Variants in CDYL observed in about 807,000 individuals in gnomAD.
The protein encoded by CDYL is chromodomain Y-like protein.
In CDYL, 8 loss-of-function variants were observed where a neutral mutation model predicts 47.3. The observed-to-expected ratio is 0.17, with a 90% CI of 0.10 to 0.31. CDYL has a LOEUF of 0.31. Ranked by LOEUF, CDYL falls within the 10% of genes least tolerant of loss-of-function variation. The pLI is 1.00. For missense variants in CDYL, 471 were observed against 701.4 expected, an observed-to-expected ratio of 0.67 and a Z score of 3.71; for synonymous variants, 266 against 265.0, an observed-to-expected ratio of 1.00 and a Z score of -0.04.
chr6:4,724,183 G>C (rs951371402), intron 2 of CDYL, among the ~76,000 whole-genome samples: 1 of 152,032 alleles, frequency 6.6e-6, no homozygotes, highest in Non-Finnish European at 1.5e-5. Context: ...TGGGACCACA[G>C]GCATGTGCCA....
At chr6:4,900,822 T>G (rs1483865465) in intron 2 of CDYL, among the ~76,000 whole-genome samples, 13 of 89,088 alleles carry the variant, frequency 1.5e-4, no homozygotes, top group African/African-American at 5.3e-4. Context: ...TATATATATA[T>G]ATATATATCT....
intron 3 of CDYL, among the ~76,000 whole-genome samples, chr6:4,756,580 A>ATGTGTGTGTGTG (rs4053260): frequency 0.015 from 2,140 of 142,866 alleles, 59 homozygotes; most frequent in African/African-American, 0.051. Flanking sequence ...TATCGTGTGT[A>ATGTGTGTGTGTG]TGTGTGTGTG....
At position 4,725,637 on chromosome 6, in the gene CDYL, G is replaced by C. The variant is rs1757498186; in HGVS notation, c.104-9125G>C. 2.6e-5 allele frequency among the ~76,000 whole-genome samples: 4 copies of C among 152,216 alleles called. No individual in the cohort carries two copies. In the South Asian group the frequency reaches 6.2e-4, roughly 24 times the overall value. On this transcript the variant is annotated intron_variant, in intron 2 of 8. Transcript: ENST00000328908. ...CCGAGCCCACGCCCACCCGGAACTCGCACTGGCCTGCAAGCACCGCGCACA... is the reference window on the plus strand; with the variant it reads ...CCGAGCCCACGCCCACCCGGAACTCCCACTGGCCTGCAAGCACCGCGCACA...
chr6:4,786,626 T>C (rs1394318032), intron 1 of CDYL, among the ~76,000 whole-genome samples: 2 of 152,208 alleles, frequency 1.3e-5, no homozygotes, highest in African/African-American at 4.8e-5. Context: ...GGTGCACTAG[T>C]AGTTTTTATC....
At chr6:4,714,656 C>A (rs1757220427) in intron 1 of CDYL, 2 of 152,230 alleles carry the variant, frequency 1.3e-5, no homozygotes, top group African/African-American at 4.8e-5. Context: ...AAGTCAGCTT[C>A]CAGAAGAGCA....
chr6:4,937,357 A>G (rs112520770), intron 3 of CDYL, among the ~76,000 whole-genome samples: 3 of 152,030 alleles, frequency 2.0e-5, no homozygotes, highest in Admixed American at 1.3e-4. Context: ...TGAGCCAGGC[A>G]TGATAGCACA....
chr6:4,768,751 G>A (rs1758293394), intron 3 of CDYL, among the ~76,000 whole-genome samples: 1 of 152,294 alleles, frequency 6.6e-6, no homozygotes, highest in South Asian at 2.1e-4. Flanking sequence ...GAAAGGGACA[G>A]GGGCTGGGAG....
intron 1 of CDYL, among the ~76,000 whole-genome samples, chr6:4,852,806 C>T (rs78517116): frequency 0.018 from 2,688 of 146,712 alleles, 99 homozygotes; most frequent in African/African-American, 0.065. Context: ...TTTCTTTGTT[C>T]TTTTTTTTTT....
At chr6:4,896,719 T>C (rs928079800) in intron 2 of CDYL, among the ~76,000 whole-genome samples, 1 of 152,228 alleles carries the variant, frequency 6.6e-6, no homozygotes, top group African/African-American at 2.4e-5. Context: ...GTTTTTACTT[T>C]CTAGACTAAT....
At chr6:4,861,865 T>A (rs556361520) in intron 1 of CDYL, among the ~76,000 whole-genome samples, 15 of 152,340 alleles carry the variant, frequency 9.8e-5, no homozygotes, top group South Asian at 6.2e-4. Flanking sequence ...AGCACCTGGG[T>A]TATGATGCGC....
chr6:4,953,841 G>A, intron 6 of CDYL, 57 bp from the exon 7 acceptor site: 1 of 1,536,834 alleles, frequency 6.5e-7, no homozygotes, highest in Non-Finnish European at 8.8e-7. Context: ...GGAGGCACAG[G>A]GGACCCGTGT....
At position 4,851,361 on chromosome 6, in the gene CDYL, G is replaced by A. The variant is rs140344428; in HGVS notation, c.25-40352G>A. ...TTATTATCTATCATACAAAGCTGAA[G>A]GATTGTCAGAAAAGAATCATGAGTG... On this transcript the variant is annotated intron_variant, in intron 1 of 6. Transcript: ENST00000397588. 3.9e-3 allele frequency among the ~76,000 whole-genome samples: 601 copies of A among 152,250 alleles called. 1 individual carries two copies. Among genetic ancestry groups the A allele is most frequent in the African/African-American group, 0.014 (563 of 41,546 alleles).
At chr6:4,950,631 T>C (rs1339792484) in intron 5 of CDYL, among the ~76,000 whole-genome samples, 1 of 152,132 alleles carries the variant, frequency 6.6e-6, no homozygotes, top group African/African-American at 2.4e-5. Flanking sequence ...TTCTAGAACT[T>C]CTCCAGACTC....
upstream of CDYL, among the ~76,000 whole-genome samples, chr6:4,773,521 G>A (rs1024886129): frequency 5.9e-5 from 9 of 152,102 alleles, no homozygotes; most frequent in South Asian, 2.1e-4. The surrounding 1 kb of genome is among the most constrained non-coding windows in gnomAD (Gnocchi z 4.6). Context: ...AAAAAGTGAC[G>A]GAGGAAAGCA....
chr6:4,821,173 A>C (rs1759823305), intron 1 of CDYL, among the ~76,000 whole-genome samples: 1 of 152,054 alleles, frequency 6.6e-6, no homozygotes, highest in African/African-American at 2.4e-5. Flanking sequence ...TACAAAATAT[A>C]AATCTTAGGA....
At chr6:4,756,601 T>TGTGTGTGC (rs1377283568) in intron 3 of CDYL, among the ~76,000 whole-genome samples, 1 of 152,008 alleles carries the variant, frequency 6.6e-6, no homozygotes, top group African/African-American at 2.4e-5. Context: ...TGTGTGTGTG[T>TGTGTGTGC]GTGTGTGTGT....
intron 3 of CDYL, among the ~76,000 whole-genome samples, chr6:4,763,025 G>A (rs1357350552): frequency 6.6e-6 from 1 of 152,006 alleles, no homozygotes; most frequent in Non-Finnish European, 1.5e-5. Flanking sequence ...AGAGAAAATG[G>A]TAAAAATAGC....
At chr6:4,775,700 C>G (rs1011997413), upstream of CDYL, among the ~76,000 whole-genome samples, 19 of 148,604 alleles carry the variant, frequency 1.3e-4, no homozygotes, top group African/African-American at 4.6e-4. This position sits in a 1 kb window ranked among gnomAD's most constrained non-coding sequence, Gnocchi z 7.0. Flanking sequence ...GCCAGCGTGC[C>G]AGCCGGAGCT....
chr6:4,893,980 A>G (rs151305238), intron 2 of CDYL, among the ~76,000 whole-genome samples: 2 of 152,338 alleles, frequency 1.3e-5, no homozygotes, highest in African/African-American at 4.8e-5. Flanking sequence ...TTTTTCAGAT[A>G]CACACTTGAC....
Sources: allele counts gnomAD v4.1 joint callset (sites outside exome capture counted in the v4.1 genomes callset), GRCh38; gene constraint gnomAD v4.1.1; non-coding constraint Gnocchi (gnomAD v3.1); transcripts MANE v1.5; gene names NCBI Gene and HGNC (gene_info 2026-07-23, HGNC 2026-07-21).